The following NT5C3A variants were observed in gnomAD, a reference collection of about 807,000 sequenced individuals.
NT5C3A encodes the protein cytosolic 5'-nucleotidase 3A.
A neutral mutation model predicts 40.0 loss-of-function variants in NT5C3A; 23 were observed. The observed-to-expected ratio is 0.58, with a 90% CI of 0.41 to 0.81. The LOEUF (loss-of-function observed/expected upper bound fraction) is 0.81, where lower values mean the gene tolerates loss of function less well. Ranked by LOEUF, NT5C3A falls within the 40% of genes least tolerant of loss-of-function variation. The pLI is 0.00. For synonymous variants in NT5C3A, 130 were observed against 141.4 expected (o/e 0.92, Z 0.57); for missense variants, 328 against 403.0 (o/e 0.81, Z 1.59).
At position 33,020,834 on chromosome 7, in the gene NT5C3A, C is replaced by T. The variant is rs114474995; in HGVS notation, c.440+438G>A. On this transcript the variant is annotated intron_variant, in intron 5 of 8. Transcript: ENST00000610140. ...TCTCTTAACAGCATTCTTCCAGAATCCGACACAGTGCTTTCAGTGTGATCT... is the reference window on the plus strand; with the variant it reads ...TCTCTTAACAGCATTCTTCCAGAATTCGACACAGTGCTTTCAGTGTGATCT... Among the ~76,000 whole-genome samples the T allele has an allele frequency of 9.0e-3, 1,273 of 140,930 alleles. 20 individuals carry two copies. The highest frequency in any genetic ancestry group is 0.033 in the African/African-American group (1,222 of 37,230). The allele number at this position is 140,930 out of a possible 152,430, so 92.5% of individuals were successfully genotyped here.
intron 1 of NT5C3A, among the ~76,000 whole-genome samples, chr7:33,046,805 CTTT>C (rs558923448): frequency 5.0e-5 from 7 of 140,464 alleles, no homozygotes; most frequent in Admixed American, 7.1e-5. Flanking sequence ...TTAGCACTGA[CTTT>C]TTTTTTTTTT....
chr7:33,014,935 T>G, intron 8 of NT5C3A, 104 bp from the exon 9 acceptor site: 1 of 954,822 alleles, frequency 1.0e-6, no homozygotes, highest in Non-Finnish European at 1.6e-6. Flanking sequence ...TGCAATAAAT[T>G]AAATTCACTT....
At chr7:33,040,081 T>C (rs1786839622) in intron 1 of NT5C3A, among the ~76,000 whole-genome samples, 1 of 152,148 alleles carries the variant, frequency 6.6e-6, no homozygotes, top group South Asian at 2.1e-4. Context: ...CCTGAGTTCT[T>C]CTGTCCTTGA....
At chr7:33,058,436 T>C (rs1320759307) in intron 1 of NT5C3A, among the ~76,000 whole-genome samples, 3 of 152,114 alleles carry the variant, frequency 2.0e-5, no homozygotes, top group Non-Finnish European at 2.9e-5. Context: ...AACCTCTGCC[T>C]CCTGGTTTCA....
chr7:33,014,481 G>A lies in NT5C3A; in HGVS notation c.*249C>T, dbSNP rs753442603. 5.1e-5 allele frequency: 27 copies of A among 527,320 alleles called. No homozygotes were observed. The East Asian group carries it at 1.1e-3, about 21-fold the overall frequency. The allele number at this position is 527,320 out of a possible 1,614,324, so 32.7% of individuals were successfully genotyped here. A position where few individuals can be genotyped will look rare whatever the true frequency, so the allele number is the denominator to read the frequency against. ...ACAAAATTCACTTTGGAAAAGTAGG[G>A]AGTTATTTTTCTAATTTTAGCTTTT... On this transcript the variant is annotated 3_prime_UTR_variant, in exon 9 of 9. Coordinates refer to ENST00000610140, the MANE Select transcript of NT5C3A (RefSeq NM_001002010.5).
chr7:33,062,238 G>GA (rs1208577290), intron 1 of NT5C3A, among the ~76,000 whole-genome samples: 3 of 152,122 alleles, frequency 2.0e-5, no homozygotes, highest in African/African-American at 4.8e-5. Flanking sequence ...CTTATCTCTA[G>GA]AGAAACGGGT....
chr7:33,035,272 C>T (rs1786533178), intron 1 of NT5C3A, among the ~76,000 whole-genome samples: 1 of 144,394 alleles, frequency 6.9e-6, no homozygotes, highest in South Asian at 2.3e-4. Flanking sequence ...TGGCTCACTG[C>T]AACCTTCGCC....
chr7:33,056,769 G>A (rs1042920561), intron 1 of NT5C3A, among the ~76,000 whole-genome samples: 1 of 152,144 alleles, frequency 6.6e-6, no homozygotes. Context: ...CTCAATAGTG[G>A]GCTTTCGATT....
At chr7:33,043,581 T>G (rs1471992931) in intron 1 of NT5C3A, among the ~76,000 whole-genome samples, 3 of 152,226 alleles carry the variant, frequency 2.0e-5, no homozygotes, top group African/African-American at 4.8e-5. Context: ...CTTTATGGCA[T>G]GAAAAGATGG....
intron 7 of NT5C3A, among the ~76,000 whole-genome samples, chr7:33,016,143 A>G (rs1175651940): frequency 2.0e-5 from 3 of 152,058 alleles, no homozygotes; most frequent in Non-Finnish European, 4.4e-5. Flanking sequence ...TGGGAGGCCA[A>G]GGAGGACAGA....
At chr7:33,029,233 C>T in intron 1 of NT5C3A, 1 of 126,188 alleles carries the variant, frequency 7.9e-6, no homozygotes, top group Non-Finnish European at 1.6e-5. Context: ...GGCAGATAGG[C>T]ACTGGTTCCT....
chr7:33,036,103 T>G (rs1786590019), intron 1 of NT5C3A: 1 of 791,716 alleles, frequency 1.3e-6, no homozygotes. Context: ...GAATTTTTGG[T>G]ATGACTTATT....
chr7:33,028,717 A>G (rs1217600842), intron 1 of NT5C3A, among the ~76,000 whole-genome samples: 1 of 152,164 alleles, frequency 6.6e-6, no homozygotes, highest in African/African-American at 2.4e-5. Context: ...AAAATCAGAA[A>G]AAGGATGGAC....
chr7:33,027,129 G>A (rs915813779), intron 1 of NT5C3A: 1 of 448,656 alleles, frequency 2.2e-6, no homozygotes, highest in Non-Finnish European at 4.1e-6. Context: ...GAGTGCAGTG[G>A]CACAATCCTA....
intron 1 of NT5C3A, among the ~76,000 whole-genome samples, chr7:33,036,552 G>T (rs192041084): frequency 6.6e-6 from 1 of 151,920 alleles, no homozygotes; most frequent in Non-Finnish European, 1.5e-5. Context: ...AAGCTCTCCT[G>T]TAAGAACTTA....
At chr7:33,059,547 T>C (rs1052183515) in intron 1 of NT5C3A, among the ~76,000 whole-genome samples, 1 of 152,206 alleles carries the variant, frequency 6.6e-6, no homozygotes, top group African/African-American at 2.4e-5. Context: ...TCACAAATAA[T>C]AAGCTCTGAA....
chr7:33,029,592 T>A (rs1361098782), intron 1 of NT5C3A: 1 of 1,152,988 alleles, frequency 8.7e-7, no homozygotes, highest in African/African-American at 1.6e-5. Flanking sequence ...ACCAAAAAAA[T>A]TAAATATTTG....
At position 33,015,887 on chromosome 7, in the gene NT5C3A, T is replaced by C; in HGVS notation, c.694-17A>G. ...GAGCACCCCCTATGAAAAATATAAATCTTTTGAACAGGCTTTAAAAATTCT... is the reference window on the plus strand; with the variant it reads ...GAGCACCCCCTATGAAAAATATAAACCTTTTGAACAGGCTTTAAAAATTCT... On this transcript the variant is annotated splice_polypyrimidine_tract_variant and intron_variant, in intron 7 of 8. Transcript: ENST00000610140. 1 of 1,526,604 alleles carries C rather than the reference T, an allele frequency of 6.6e-7. No homozygotes were observed. Among genetic ancestry groups the C allele is most frequent in the East Asian group, 2.3e-5 (1 of 44,402 alleles). 94.6% of individuals were successfully genotyped at this position (1,526,604 alleles called of 1,614,324 possible).
intron 2 of NT5C3A, among the ~76,000 whole-genome samples, chr7:33,026,200 T>C (rs962892715): frequency 7.9e-5 from 12 of 151,144 alleles, no homozygotes; most frequent in African/African-American, 2.4e-4. Context: ...ACAAAAAAAT[T>C]AGCTGGTTGT....
Sources: allele counts gnomAD v4.1 joint callset (sites outside exome capture counted in the v4.1 genomes callset), GRCh38; gene constraint gnomAD v4.1.1; transcripts MANE v1.5; gene names NCBI Gene and HGNC (gene_info 2026-07-23, HGNC 2026-07-21).